The following TMEM135 variants were observed in gnomAD, a reference collection of about 807,000 sequenced individuals.
TMEM135 encodes transmembrane protein 135, also known as peroxisomal membrane protein 52.
TMEM135 carries 30 observed loss-of-function variants against 60.3 expected under a neutral mutation model. The ratio of observed to expected loss-of-function variants is 0.50; its 90% CI spans 0.37 to 0.68. TMEM135 has a LOEUF of 0.68. TMEM135 is among the 30% of genes least tolerant of loss of function. TMEM135 has a pLI of 0.00. For missense variants in TMEM135, 468 were observed against 548.8 expected (o/e 0.85, Z 1.47); for synonymous variants, 190 against 186.7 (o/e 1.02, Z -0.14).
Position 87,274,786 on chromosome 11 carries a change from C to CTGTGTGTGTGTGTGTGTG in TMEM135, c.510-20970_510-20953dup, listed in dbSNP as rs10655114. ...AACCAGCCTGGGCAACATAGCAAGACTGTGTGTGTGTGTGTGTGTGTGTGT... is the reference window on the plus strand; with the variant it reads ...AACCAGCCTGGGCAACATAGCAAGACTGTGTGTGTGTGTGTGTGTGTGTGTGTGTGTGTGTGTGTGTGT... On this transcript the variant is annotated intron_variant, in intron 6 of 14. Transcript: ENST00000305494. Among the ~76,000 whole-genome samples, 321 of 129,274 alleles carry CTGTGTGTGTGTGTGTGTG rather than the reference C, an allele frequency of 2.5e-3. 3 individuals are homozygous for CTGTGTGTGTGTGTGTGTG. The highest frequency in any genetic ancestry group is 4.3e-3 in the Admixed American group (53 of 12,188). The allele number at this position is 129,274 out of a possible 152,430, so 84.8% of individuals were successfully genotyped here. A position where few individuals can be genotyped will look rare whatever the true frequency, so the allele number is the denominator to read the frequency against.
chr11:87,131,666 CA>C lies in TMEM135; in HGVS notation c.397-25674del, dbSNP rs1937935374. Among the ~76,000 whole-genome samples the C allele has an allele frequency of 2.6e-5, 4 of 152,258 alleles. No homozygotes were observed. The South Asian group carries it at 8.3e-4, about 32-fold the overall frequency. On this transcript the variant is annotated intron_variant, in intron 4 of 14. Transcript: ENST00000305494. ...TTTGTGATCCTGAGTTTGCCACATA[CA>C]GTGTGTCCCTGGGAAAGTGACTTTT...
chr11:87,148,602 C>A (rs1443086109), intron 4 of TMEM135, among the ~76,000 whole-genome samples: 1 of 152,048 alleles, frequency 6.6e-6, no homozygotes, highest in Non-Finnish European at 1.5e-5. Flanking sequence ...CTGCCTTTCC[C>A]CTTTTGCTCC....
chr11:87,122,456 T>TTTATTTA (rs1937618287), intron 4 of TMEM135, among the ~76,000 whole-genome samples: 1 of 149,780 alleles, frequency 6.7e-6, no homozygotes, highest in Non-Finnish European at 1.5e-5. Context: ...TATTTATTTA[T>TTTATTTA]TTATTTATTA....
Position 87,325,268 on chromosome 11 carries a change from G to A in TMEM135, c.*3935G>A. On this transcript the variant is annotated 3_prime_UTR_variant, in exon 15 of 15. Coordinates refer to ENST00000305494, the MANE Select transcript of TMEM135 (RefSeq NM_022918.4). ...ACAAAGAAATGAAACTGACTCTAGT[G>A]TGTGTGACTTCTGGAAACAGAAGTG... 4.4e-6 allele frequency: 2 copies of A among 454,066 alleles called. No homozygotes were observed. Among genetic ancestry groups the A allele is most frequent in the Non-Finnish European group, 8.8e-6 (2 of 226,778 alleles). The allele number at this position is 454,066 out of a possible 1,614,324, so 28.1% of individuals were successfully genotyped here.
intron 1 of TMEM135, among the ~76,000 whole-genome samples, chr11:87,042,688 G>A (rs61906192): frequency 0.15 from 23,288 of 152,112 alleles, 1,862 homozygotes; most frequent in Non-Finnish European, 0.17. Flanking sequence ...TGGGTCTTAT[G>A]TATCTGCTTT....
At chr11:87,136,686 G>A (rs1938110409) in intron 4 of TMEM135, among the ~76,000 whole-genome samples, 1 of 151,060 alleles carries the variant, frequency 6.6e-6, no homozygotes, top group African/African-American at 2.4e-5. Context: ...AGACATTAGT[G>A]CTATTTAGGC....
At chr11:87,163,301 T>C (rs1330968875) in intron 5 of TMEM135, among the ~76,000 whole-genome samples, 1 of 144,572 alleles carries the variant, frequency 6.9e-6, no homozygotes, top group Admixed American at 7.1e-5. Flanking sequence ...GGTTTTTTGT[T>C]CTTGCGATAG....
At chr11:87,217,646 G>A (rs868481532) in intron 5 of TMEM135, among the ~76,000 whole-genome samples, 4 of 152,074 alleles carry the variant, frequency 2.6e-5, no homozygotes, top group East Asian at 1.9e-4. Flanking sequence ...TTAGTTCGGC[G>A]TGGCGGCTCA....
intron 4 of TMEM135, among the ~76,000 whole-genome samples, chr11:87,101,374 A>G (rs961116892): frequency 9.2e-5 from 14 of 152,302 alleles, no homozygotes; most frequent in African/African-American, 1.7e-4. Flanking sequence ...AAGTTTTCCA[A>G]TCTTTCAAAA....
Position 87,142,236 on chromosome 11 carries a change from G to T in TMEM135, c.397-15105G>T, listed in dbSNP as rs149851110. On this transcript the variant is annotated intron_variant, in intron 4 of 14. Transcript: ENST00000305494. ...AATGCCTGCTGTCTTGGTAGTGTTG[G>T]TAGGGAGTTGCCTAGGGGTGCAGCT... 3.9e-5 allele frequency among the ~76,000 whole-genome samples: 6 copies of T among 152,250 alleles called. No individual in the cohort carries two copies. The East Asian group carries it at 1.2e-3, about 29-fold the overall frequency.
At chr11:87,320,651 T>G (rs1942804371) in intron 14 of TMEM135, among the ~76,000 whole-genome samples, 2 of 152,158 alleles carry the variant, frequency 1.3e-5, no homozygotes, top group Admixed American at 1.3e-4. Context: ...ATGGATAACG[T>G]TAGGGTATAT....
At chr11:87,127,013 T>A (rs1172530552) in intron 4 of TMEM135, among the ~76,000 whole-genome samples, 1 of 151,998 alleles carries the variant, frequency 6.6e-6, no homozygotes, top group Non-Finnish European at 1.5e-5. Context: ...CTGAGCTCAT[T>A]TATGGTATAT....
intron 6 of TMEM135, chr11:87,258,902 C>G (rs1277008045): frequency 8.6e-6 from 10 of 1,169,488 alleles, no homozygotes; most frequent in Non-Finnish European, 6.4e-6. Flanking sequence ...CCTGAGAGCC[C>G]TGTGTTAGGC....
chr11:87,319,768 T>C (rs1049033812), intron 14 of TMEM135, among the ~76,000 whole-genome samples: 6 of 152,220 alleles, frequency 3.9e-5, no homozygotes, highest in Non-Finnish European at 8.8e-5. Context: ...GTTGTAAGTA[T>C]ATGTTCCTCT....
At chr11:87,098,295 A>G (rs1474328913) in intron 4 of TMEM135, among the ~76,000 whole-genome samples, 1 of 152,208 alleles carries the variant, frequency 6.6e-6, no homozygotes, top group Admixed American at 6.5e-5. Context: ...GATTAAACCT[A>G]GATGTTTATT....
chr11:87,155,822 G>T (rs1167632002), intron 4 of TMEM135, among the ~76,000 whole-genome samples: 1 of 152,112 alleles, frequency 6.6e-6, no homozygotes, highest in Admixed American at 6.5e-5. Flanking sequence ...TGGAATTCAG[G>T]ATCTGTTTAA....
At chr11:87,070,927 GAGT>G (rs1856763569) in intron 2 of TMEM135, among the ~76,000 whole-genome samples, 2 of 152,206 alleles carry the variant, frequency 1.3e-5, no homozygotes, top group Admixed American at 1.3e-4. Flanking sequence ...AACACTTTCT[GAGT>G]ACTTGTTATG....
chr11:87,268,194 T>TCTTTTCTTTTCTTTTCTTTTCTTTTTTC (rs1941791066), intron 6 of TMEM135, among the ~76,000 whole-genome samples: 1 of 77,038 alleles, frequency 1.3e-5, no homozygotes, highest in Non-Finnish European at 3.6e-5. Context: ...TTTCTTCTTT[T>TCTTTTCTTTTCTTTTCTTTTCTTTTTTC]CTGTTTTTTT....
At chr11:87,165,554 T>G (rs1355358612) in intron 5 of TMEM135, among the ~76,000 whole-genome samples, 3 of 147,122 alleles carry the variant, frequency 2.0e-5, no homozygotes, top group Non-Finnish European at 4.5e-5. Context: ...GCTGGCCTCA[T>G]AAAATGAGTT....
Sources: allele counts gnomAD v4.1 joint callset (sites outside exome capture counted in the v4.1 genomes callset), GRCh38; gene constraint gnomAD v4.1.1; transcripts MANE v1.5; gene names NCBI Gene and HGNC (gene_info 2026-07-23, HGNC 2026-07-21).